Variants in CACNA1C observed in about 807,000 individuals in gnomAD.
CACNA1C encodes voltage-dependent L-type calcium channel subunit alpha-1C.
CACNA1C carries 30 observed loss-of-function variants against 229.0 expected under a neutral mutation model. The ratio of observed to expected loss-of-function variants is 0.13; its 90% CI spans 0.10 to 0.18. The LOEUF (loss-of-function observed/expected upper bound fraction) is 0.18, where lower values mean the gene tolerates loss of function less well. Among genes scored for constraint, CACNA1C ranks in the 10% least tolerant of loss-of-function variants. The pLI is 1.00. For missense variants in CACNA1C, 1,658 were observed against 2,845.0 expected, an observed-to-expected ratio of 0.58 and a Z score of 9.49; for synonymous variants, 1,114 against 1,132.5, an observed-to-expected ratio of 0.98 and a Z score of 0.33.
rs1275703141 is a variant in CACNA1C, at chr12:1,971,814, T to C, written c.139+613T>C. Among the ~76,000 whole-genome samples the C allele has an allele frequency of 6.6e-6, 1 of 152,268 alleles. No individual in the cohort carries two copies. Among genetic ancestry groups the C allele is most frequent in the Non-Finnish European group, 1.5e-5 (1 of 68,042 alleles). ...TTATGTTCCTAATAAATATTTCTGT[T>C]TGATCTGTTCTTTTAAGATATTTAT... On this transcript the variant is annotated intron_variant, in intron 1 of 46. Coordinates refer to the CACNA1C transcript ENST00000682462. The surrounding 1 kb of genome is among the most constrained non-coding windows in gnomAD (Gnocchi z 4.2).
At chr12:2,148,713 G>C (rs943459546) in intron 3 of CACNA1C, among the ~76,000 whole-genome samples, 5 of 150,948 alleles carry the variant, frequency 3.3e-5, no homozygotes, top group Non-Finnish European at 5.9e-5. Flanking sequence ...TACACCCGGC[G>C]AGTTTTTGTA....
chr12:2,566,208 C>T lies in CACNA1C; in HGVS notation c.1509-214C>T, dbSNP rs570119327. ...AACCCCATGAGGTCGGCCCTCTTCC[C>T]GGGAGAACTGAAGCTTGGAGGAGTT... is the stretch of plus-strand genomic sequence containing the variant. On this transcript the variant is annotated intron_variant, in intron 11 of 46. Transcript: ENST00000399655. This position sits in a 1 kb window ranked among gnomAD's most constrained non-coding sequence, Gnocchi z 4.0. 1.3e-5 allele frequency among the ~76,000 whole-genome samples: 2 copies of T among 152,302 alleles called. No homozygotes were observed. Among genetic ancestry groups the T allele is most frequent in the Non-Finnish European group, 2.9e-5 (2 of 68,028 alleles).
chr12:2,343,986 C>A (rs116940436), intron 3 of CACNA1C, among the ~76,000 whole-genome samples: 1 of 152,156 alleles, frequency 6.6e-6, no homozygotes. Context: ...ATAGAGAAAA[C>A]GGTGCCACCT....
intron 11 of CACNA1C, among the ~76,000 whole-genome samples, chr12:2,565,186 C>A (rs909983999): frequency 5.3e-5 from 8 of 152,180 alleles, no homozygotes; most frequent in Non-Finnish European, 1.0e-4. Flanking sequence ...TACCCAACCC[C>A]GGCCGGGCGC....
chr12:2,111,092 C>G (rs2081544406), intron 1 of CACNA1C, among the ~76,000 whole-genome samples: 1 of 152,216 alleles, frequency 6.6e-6, no homozygotes, highest in Admixed American at 6.5e-5. Flanking sequence ...GCAGAGCTGC[C>G]AGGACCAAAA....
rs1296143961 is a variant in CACNA1C, at chr12:2,535,578, G to A, written c.1391-14365G>A. 7.5e-5 allele frequency among the ~76,000 whole-genome samples: 11 copies of A among 146,466 alleles called. No homozygotes were observed. The East Asian group carries it at 2.1e-3, about 27-fold the overall frequency. ...ATAATTAGCTGGGTGTGGTTGTGTGGGCCTGTAATCCTAGCTACTTGGGAG... is the reference window on the plus strand; with the variant it reads ...ATAATTAGCTGGGTGTGGTTGTGTGAGCCTGTAATCCTAGCTACTTGGGAG... On this transcript the variant is annotated intron_variant, in intron 9 of 46. Coordinates refer to ENST00000399655, the MANE Select transcript of CACNA1C (RefSeq NM_000719.7).
intron 18 of CACNA1C, among the ~76,000 whole-genome samples, chr12:2,592,430 A>G (rs1300506768): frequency 6.6e-6 from 1 of 152,198 alleles, no homozygotes; most frequent in Non-Finnish European, 1.5e-5. Context: ...GGTCCAGGCG[A>G]TTGGCTGGAG....
chr12:2,613,283 G>T (rs1158150065), intron 29 of CACNA1C: 4 of 152,200 alleles, frequency 2.6e-5, no homozygotes, highest in African/African-American at 7.2e-5. Flanking sequence ...GGAGAAGGGG[G>T]AAGGGAGGCT....
Position 2,615,490 on chromosome 12 carries a change from A to G in CACNA1C, c.3828+3477A>G, listed in dbSNP as rs192145261. The stretch of plus-strand genomic sequence containing the variant: ...ATGTTCCTGAATTGGAAAGCTCAAT[A>G]TTATTAGGATATCATTTCTCCTCAA... On this transcript the variant is annotated intron_variant, in intron 29 of 46. Transcript: ENST00000399655. Among the ~76,000 whole-genome samples the G allele has an allele frequency of 4.3e-4, 65 of 152,230 alleles. 1 individual carries two copies. The highest frequency in any genetic ancestry group is 1.4e-3 in the African/African-American group (59 of 41,460).
At chr12:2,565,250 T>G (rs905057223) in intron 11 of CACNA1C, among the ~76,000 whole-genome samples, 1 of 151,154 alleles carries the variant, frequency 6.6e-6, no homozygotes, top group East Asian at 2.0e-4. Flanking sequence ...GGGTGGATCA[T>G]GAGGTCAGGA....
chr12:2,200,608 A>G (rs1341810030), intron 3 of CACNA1C, among the ~76,000 whole-genome samples: 10 of 152,228 alleles, frequency 6.6e-5, no homozygotes, highest in African/African-American at 2.4e-5. Flanking sequence ...TCCTACTCCC[A>G]TGAAGCTTAT....
In CACNA1C at chr12:2,651,995, G is replaced by A. The variant is rs745863535; in HGVS notation, c.4074+227G>A. Among the ~76,000 whole-genome samples the A allele has an allele frequency of 6.6e-6, 1 of 152,040 alleles. No homozygotes were observed. Among genetic ancestry groups the A allele is most frequent in the Non-Finnish European group, 1.5e-5 (1 of 68,020 alleles). On this transcript the variant is annotated intron_variant, in intron 32 of 46. Transcript: ENST00000399655. This position sits in a 1 kb window ranked among gnomAD's most constrained non-coding sequence, Gnocchi z 5.4. ...CCCCAGAAGGCCAGGTGGTAAAGGA[G>A]GGATGGGAGCTAAGGGGAGGCAGAA... is the stretch of plus-strand genomic sequence containing the variant.
At chr12:2,458,153 T>C (rs1001965102) in intron 5 of CACNA1C, among the ~76,000 whole-genome samples, 1 of 152,248 alleles carries the variant, frequency 6.6e-6, no homozygotes, top group Non-Finnish European at 1.5e-5. Flanking sequence ...AAGTTCTGTT[T>C]TGACCTTTCT....
rs1022287544 is a variant in CACNA1C at position 2,691,708 on chromosome 12, G to C, written c.*509G>C. The C allele has an allele frequency of 6.5e-6, 1 of 153,756 alleles. No individual in the cohort carries two copies. The highest frequency in any genetic ancestry group is 1.5e-5 in the Non-Finnish European group (1 of 68,820). The allele number at this position is 153,756 out of a possible 1,614,324, so 9.5% of individuals were successfully genotyped here. A position where few individuals can be genotyped will look rare whatever the true frequency, so the allele number is the denominator to read the frequency against. On this transcript the variant is annotated 3_prime_UTR_variant, in exon 47 of 47. Coordinates refer to ENST00000399655, the MANE Select transcript of CACNA1C (RefSeq NM_000719.7). Reference sequence around the variant, plus strand: ...GGAGGAGGAGGCCTCCAGGGGCGCGGAGCTCTGGGGATGGGCGTCGGGCCG... The same window carrying C: ...GGAGGAGGAGGCCTCCAGGGGCGCGCAGCTCTGGGGATGGGCGTCGGGCCG...
chr12:2,658,612 T>C (rs923270644), intron 34 of CACNA1C, among the ~76,000 whole-genome samples: 1 of 111,172 alleles, frequency 9.0e-6, no homozygotes, highest in African/African-American at 3.4e-5. Context: ...TTTTGCAGTG[T>C]ACTGCTTCTA....
intron 13 of CACNA1C, 119 bp from the exon 14 acceptor site, chr12:2,581,471 G>A: frequency 2.2e-6 from 2 of 925,432 alleles, no homozygotes; most frequent in Non-Finnish European, 3.2e-6. Context: ...CACGGGCAGG[G>A]AAAAAGAGCA....
intron 3 of CACNA1C, among the ~76,000 whole-genome samples, chr12:2,352,048 C>T (rs1198632659): frequency 6.6e-6 from 1 of 152,184 alleles, no homozygotes. Context: ...GGCTTTCACC[C>T]AAAATGCAGC....
intron 5 of CACNA1C, among the ~76,000 whole-genome samples, chr12:2,473,546 A>G (rs2099604123): frequency 6.6e-6 from 1 of 152,234 alleles, no homozygotes; most frequent in South Asian, 2.1e-4. Context: ...TAATTGGAAG[A>G]AGGAAAGGTA....
chr12:2,633,776 C>T lies in CACNA1C; in HGVS notation c.3829-521C>T. On this transcript the variant is annotated intron_variant, in intron 29 of 46. Coordinates refer to ENST00000399655, the MANE Select transcript of CACNA1C (RefSeq NM_000719.7). The surrounding 1 kb of genome is among the most constrained non-coding windows in gnomAD (Gnocchi z 5.8). ...TCCTCCTCCTCTGCCTCGTCTATTT[C>T]TCTCTCTCTCACTCTCTCTGTTTAC... is the stretch of plus-strand genomic sequence containing the variant. 1.2e-6 allele frequency: 1 copy of T among 859,410 alleles called. No individual in the cohort carries two copies. Among genetic ancestry groups the T allele is most frequent in the East Asian group, 2.5e-5 (1 of 39,274 alleles). The allele number at this position is 859,410 out of a possible 1,614,324, so 53.2% of individuals were successfully genotyped here. A position where few individuals can be genotyped will look rare whatever the true frequency, so the allele number is the denominator to read the frequency against.
Sources: gnomAD v4.1 joint callset for allele counts (sites outside exome capture counted in the v4.1 genomes callset) on GRCh38, gnomAD v4.1.1 for gene constraint, Gnocchi (gnomAD v3.1) non-coding constraint, MANE v1.5 for transcripts, NCBI Gene and HGNC (gene_info 2026-07-23, HGNC 2026-07-21) for gene names.